Variants in SYN3 observed in about 807,000 individuals in gnomAD.
SYN3 encodes synapsin III, also known as synapsin-3.
SYN3 carries 35 observed loss-of-function variants against 65.8 expected under a neutral mutation model. That is an observed-to-expected ratio of 0.53 (90% CI 0.41 to 0.70). The LOEUF is 0.70. Ranked by LOEUF, SYN3 falls within the 30% of genes least tolerant of loss-of-function variation. SYN3 has a pLI of 0.00. For synonymous variants in SYN3, 270 were observed against 292.9 expected (o/e 0.92, Z 0.80); for missense variants, 680 against 749.0 (o/e 0.91, Z 1.08).
intron 6 of SYN3, among the ~76,000 whole-genome samples, chr22:32,759,815 A>G: frequency 1.3e-5 from 1 of 79,912 alleles, no homozygotes. Flanking sequence ...ACCAGCCAGC[A>G]CCCACCCACC....
intron 7 of SYN3, among the ~76,000 whole-genome samples, chr22:32,561,723 T>G (rs1467664346): frequency 6.6e-6 from 1 of 152,170 alleles, no homozygotes; most frequent in Non-Finnish European, 1.5e-5. Context: ...AGTCCATTCT[T>G]CTCTTCTTTC....
chr22:32,825,465 T>C (rs950779165), intron 6 of SYN3, among the ~76,000 whole-genome samples: 7 of 151,362 alleles, frequency 4.6e-5, no homozygotes, highest in Non-Finnish European at 8.8e-5. Flanking sequence ...TCAAGACCAG[T>C]CTGGCCAACA....
At chr22:32,672,819 A>G (rs2147073187) in intron 6 of SYN3, among the ~76,000 whole-genome samples, 1 of 152,270 alleles carries the variant, frequency 6.6e-6, no homozygotes, top group Non-Finnish European at 1.5e-5. Flanking sequence ...AAGAAGACAG[A>G]CCCAGGCCCC....
chr22:32,534,020 G>A (rs1243720359), intron 9 of SYN3, 125 bp from the exon 10 acceptor site: 6 of 625,638 alleles, frequency 9.6e-6, no homozygotes, highest in East Asian at 2.8e-5. Flanking sequence ...TCCAGACGGC[G>A]ATGGAGAGAG....
intron 7 of SYN3, among the ~76,000 whole-genome samples, chr22:32,586,613 G>A (rs1379317814): frequency 6.6e-6 from 1 of 152,146 alleles, no homozygotes; most frequent in Non-Finnish European, 1.5e-5. Context: ...AAGGACACTT[G>A]TTTACGGTTT....
At chr22:32,662,462 C>A (rs934240426) in intron 6 of SYN3, among the ~76,000 whole-genome samples, 1 of 152,202 alleles carries the variant, frequency 6.6e-6, no homozygotes, top group Admixed American at 6.5e-5. Context: ...GATTTTATTA[C>A]CAAGTAACTA....
At chr22:33,024,122 T>C (rs112566331) in intron 1 of SYN3, among the ~76,000 whole-genome samples, 1 of 152,274 alleles carries the variant, frequency 6.6e-6, no homozygotes, top group Non-Finnish European at 1.5e-5. Flanking sequence ...TTTTGTGGCA[T>C]GACTAGGTCT....
chr22:33,018,121 G>A (rs1393612155), intron 1 of SYN3, among the ~76,000 whole-genome samples: 1 of 152,236 alleles, frequency 6.6e-6, no homozygotes, highest in African/African-American at 2.4e-5. Context: ...CCTGGCCACT[G>A]TGTAGAAATA....
chr22:32,760,209 A>G (rs1305294611), intron 6 of SYN3, among the ~76,000 whole-genome samples: 1 of 6,136 alleles, frequency 1.6e-4, no homozygotes, highest in Non-Finnish European at 3.0e-4. Context: ...ACCCGCCCCC[A>G]GCCAACAGCC....
chr22:32,960,512 G>A (rs1240300469), intron 3 of SYN3, among the ~76,000 whole-genome samples: 1 of 152,190 alleles, frequency 6.6e-6, no homozygotes, highest in Non-Finnish European at 1.5e-5. Context: ...CCTGCATGTG[G>A]CATGGGGTGC....
At chr22:32,835,320 AAGAT>A (rs1191630747) in intron 6 of SYN3, among the ~76,000 whole-genome samples, 1 of 152,236 alleles carries the variant, frequency 6.6e-6, no homozygotes, top group Non-Finnish European at 1.5e-5. Context: ...TGAGCAAAGC[AAGAT>A]GTAATTCCGG....
At chr22:32,769,661 G>T (rs1376347904) in intron 6 of SYN3, among the ~76,000 whole-genome samples, 1 of 152,104 alleles carries the variant, frequency 6.6e-6, no homozygotes, top group African/African-American at 2.4e-5. Context: ...GGGATTACAG[G>T]CATGCGCCAC....
At chr22:32,780,896 CCTGCCTGCCTTCCTTG>C (rs1272067945) in intron 6 of SYN3, among the ~76,000 whole-genome samples, 9 of 151,226 alleles carry the variant, frequency 6.0e-5, no homozygotes, top group African/African-American at 1.9e-4. Context: ...TGCCTGCCTG[CCTGCCTGCCTTCCTTG>C]CTTCCTTCCT....
chr22:32,945,743 A>G (rs2051087902), intron 3 of SYN3, among the ~76,000 whole-genome samples: 2 of 152,250 alleles, frequency 1.3e-5, no homozygotes, highest in South Asian at 4.1e-4. Flanking sequence ...CTACCACTAG[A>G]GTGAATAGGC....
intron 6 of SYN3, among the ~76,000 whole-genome samples, chr22:32,628,275 TGTTA>T (rs1284834738): frequency 6.6e-6 from 1 of 152,078 alleles, no homozygotes; most frequent in Non-Finnish European, 1.5e-5. Context: ...TTGCTCTTGA[TGTTA>T]GTGTTTCTAG....
At chr22:32,795,593 A>G (rs2145899394) in intron 6 of SYN3, among the ~76,000 whole-genome samples, 1 of 152,336 alleles carries the variant, frequency 6.6e-6, no homozygotes, top group East Asian at 1.9e-4. Flanking sequence ...CGGTGCACAT[A>G]GCATGGTAGC....
rs1005048344 is a variant in SYN3 at position 32,944,575 on chromosome 22, A to G, written c.370-13094T>C. On this transcript the variant is annotated intron_variant, in intron 3 of 13. Transcript: ENST00000358763. Reference sequence around the variant, plus strand: ...AATAAGAGCTATTTATGACAAACCCACAGCCAATATCATACTGAATGGACA... The same window carrying G: ...AATAAGAGCTATTTATGACAAACCCGCAGCCAATATCATACTGAATGGACA... Among the ~76,000 whole-genome samples, 33 of 152,316 alleles carry G rather than the reference A, an allele frequency of 2.2e-4. 2 individuals are homozygous for G. Among genetic ancestry groups the G allele is most frequent in the African/African-American group, 7.9e-4 (33 of 41,580 alleles).
chr22:32,896,593 T>C (rs1281672484), intron 4 of SYN3, among the ~76,000 whole-genome samples: 1 of 152,178 alleles, frequency 6.6e-6, no homozygotes, highest in Non-Finnish European at 1.5e-5. Context: ...TCAAAGAAAG[T>C]AGGCATTTTG....
At chr22:32,703,581 G>T (rs1225354334) in intron 6 of SYN3, among the ~76,000 whole-genome samples, 2 of 151,500 alleles carry the variant, frequency 1.3e-5, no homozygotes, top group African/African-American at 4.9e-5. Context: ...AGCTTGCAGT[G>T]AGCCAAGATC....
Sources: allele counts gnomAD v4.1 joint callset (sites outside exome capture counted in the v4.1 genomes callset), GRCh38; gene constraint gnomAD v4.1.1; transcripts MANE v1.5; gene names NCBI Gene and HGNC (gene_info 2026-07-23, HGNC 2026-07-21).